Variants in RYR2 observed in about 807,000 individuals in gnomAD.
The protein encoded by RYR2 is cardiac muscle ryanodine receptor-calcium release channel.
RYR2 carries 227 observed loss-of-function variants against 601.1 expected under a neutral mutation model. The ratio of observed to expected loss-of-function variants is 0.38; its 90% CI spans 0.34 to 0.42. RYR2 has a LOEUF of 0.42. Ranked by LOEUF, RYR2 falls within the 10% of genes least tolerant of loss-of-function variation. The pLI is 1.00. For missense variants in RYR2, 4,646 were observed against 6,156.5 expected, an observed-to-expected ratio of 0.75 and a Z score of 8.21; for synonymous variants, 2,223 against 2,175.1, an observed-to-expected ratio of 1.02 and a Z score of -0.61.
intron 27 of RYR2, among the ~76,000 whole-genome samples, chr1:237,566,310 C>T (rs573095874): frequency 1.1e-4 from 16 of 152,208 alleles, no homozygotes; most frequent in African/African-American, 1.4e-4. Context: ...ATGAGGCTGA[C>T]GGAGACTCAT....
chr1:237,672,065 C>T (rs1684997607), intron 58 of RYR2, among the ~76,000 whole-genome samples: 1 of 152,102 alleles, frequency 6.6e-6, no homozygotes, highest in South Asian at 2.1e-4. Flanking sequence ...ACACCCATAT[C>T]ATAAATGGGA....
chr1:237,657,534 T>A (rs921618640), intron 53 of RYR2, among the ~76,000 whole-genome samples: 6 of 152,056 alleles, frequency 3.9e-5, no homozygotes, highest in African/African-American at 1.4e-4. Flanking sequence ...CAGTAACATT[T>A]ACAGTGTTAT....
At chr1:237,790,070 G>T (rs1392181487) in intron 92 of RYR2, among the ~76,000 whole-genome samples, 1 of 152,086 alleles carries the variant, frequency 6.6e-6, no homozygotes, top group Non-Finnish European at 1.5e-5. Flanking sequence ...GCTTTATTAT[G>T]GTAAATCCCC....
Position 237,614,796 on chromosome 1 carries a change from A to G in RYR2, c.5668A>G (p.Lys1890Glu). Residue 1890 changes from lysine to glutamate, a missense_variant, in exon 37 of 105, where the codon AAG becomes GAG. Coordinates refer to ENST00000366574, the MANE Select transcript of RYR2 (RefSeq NM_001035.3). The surrounding 1 kb of genome is among the most constrained non-coding windows in gnomAD (Gnocchi z 4.3). ...EEEAKGGKRP[K>E]EGLLQMKLPE... ...AGAAGCCAAGGGGGGCAAGCGGCCC[A>G]AGGAAGGCCTGCTCCAAATGAAACT... The G allele has an allele frequency of 6.2e-7, 1 of 1,604,634 alleles. No individual in the cohort carries two copies. Among genetic ancestry groups the G allele is most frequent in the Non-Finnish European group, 8.5e-7 (1 of 1,174,378 alleles).
chr1:237,460,017 A>G (rs2150247141), intron 16 of RYR2, among the ~76,000 whole-genome samples: 1 of 152,286 alleles, frequency 6.6e-6, no homozygotes, highest in African/African-American at 2.4e-5. Context: ...GGGCTTGCAC[A>G]GCTCGCCGTC....
chr1:237,382,251 A>G (rs1350629742), intron 8 of RYR2, among the ~76,000 whole-genome samples: 1 of 152,212 alleles, frequency 6.6e-6, no homozygotes, highest in Non-Finnish European at 1.5e-5. Flanking sequence ...AACTGATTGA[A>G]AATATATTAG....
intron 1 of RYR2, among the ~76,000 whole-genome samples, chr1:237,057,425 T>G (rs948942448): frequency 2.0e-5 from 3 of 152,112 alleles, no homozygotes; most frequent in Non-Finnish European, 4.4e-5. Flanking sequence ...GACCTTGTGA[T>G]CCACCCACCT....
At chr1:237,261,064 T>G (rs1688461230) in intron 1 of RYR2, among the ~76,000 whole-genome samples, 1 of 152,266 alleles carries the variant, frequency 6.6e-6, no homozygotes, top group African/African-American at 2.4e-5. Context: ...ATTTTATTTG[T>G]CTGTATGACA....
At chr1:237,188,634 C>T (rs953031718) in intron 1 of RYR2, among the ~76,000 whole-genome samples, 8 of 151,938 alleles carry the variant, frequency 5.3e-5, no homozygotes, top group Non-Finnish European at 7.4e-5. Flanking sequence ...GGCACGATCT[C>T]GGCTCACTGC....
intron 62 of RYR2, among the ~76,000 whole-genome samples, chr1:237,682,993 CATT>C (rs1462965336): frequency 3.9e-5 from 6 of 152,064 alleles, no homozygotes; most frequent in African/African-American, 7.2e-5. Flanking sequence ...CAGTCATTAA[CATT>C]ATGATGGAGA....
chr1:237,267,956 A>G (rs995708520), intron 1 of RYR2, among the ~76,000 whole-genome samples: 1 of 152,104 alleles, frequency 6.6e-6, no homozygotes, highest in African/African-American at 2.4e-5. Flanking sequence ...TCCTCTTTAT[A>G]CCACAGGGGT....
chr1:237,061,268 C>CATCTATCTATCTATT (rs1553275474), intron 1 of RYR2, among the ~76,000 whole-genome samples: 4 of 88,740 alleles, frequency 4.5e-5, no homozygotes, highest in African/African-American at 1.4e-4. Flanking sequence ...ATCTATCTAT[C>CATCTATCTATCTATT]CATCTATCAT....
chr1:237,179,683 T>C (rs1329790074), intron 1 of RYR2, among the ~76,000 whole-genome samples: 1 of 152,106 alleles, frequency 6.6e-6, no homozygotes, highest in African/African-American at 2.4e-5. Flanking sequence ...TTACCACCCA[T>C]ATACCAGCTG....
At chr1:237,219,702 G>A (rs1366164097) in intron 1 of RYR2, among the ~76,000 whole-genome samples, 2 of 152,120 alleles carry the variant, frequency 1.3e-5, no homozygotes, top group Non-Finnish European at 1.5e-5. Flanking sequence ...ATTTCCTCCT[G>A]GATAAGTGGA....
intron 48 of RYR2, among the ~76,000 whole-genome samples, chr1:237,644,532 A>C (rs1358970653): frequency 1.3e-5 from 2 of 152,170 alleles, no homozygotes; most frequent in Non-Finnish European, 2.9e-5. Flanking sequence ...GCTCCTAGCC[A>C]AAAAGAAGTG....
Position 237,654,383 on chromosome 1 carries a change from T to C in RYR2, c.7934T>C (p.Phe2645Ser). 6.2e-7 allele frequency: 1 copy of C among 1,613,954 alleles called. No homozygotes were observed. Among genetic ancestry groups the C allele is most frequent in the Non-Finnish European group, 8.5e-7 (1 of 1,179,870 alleles). ...EEELHLSRKL[F>S]WGIFDALSQK... The stretch of plus-strand genomic sequence containing the variant: ...GAACTTCATTTATCAAGAAAGTTGT[T>C]CTGGGGCATTTTTGATGCCCTGTCT... Residue 2645 changes from phenylalanine to serine, a missense_variant, in exon 52 of 105, where the codon TTC (phenylalanine) becomes TCC (serine). Transcript: ENST00000366574.
At chr1:237,442,574 C>A (rs1708006605) in intron 13 of RYR2, among the ~76,000 whole-genome samples, 1 of 152,084 alleles carries the variant, frequency 6.6e-6, no homozygotes, top group African/African-American at 2.4e-5. Context: ...TCAATAATAT[C>A]TTTTCTAGTT....
chr1:237,127,670 G>T (rs1201078355), intron 1 of RYR2, among the ~76,000 whole-genome samples: 2 of 151,080 alleles, frequency 1.3e-5, no homozygotes, highest in African/African-American at 4.9e-5. Context: ...TTCTCAGACG[G>T]GGCGGCCGGG....
intron 1 of RYR2, among the ~76,000 whole-genome samples, chr1:237,051,167 C>T (rs1223093411): frequency 6.9e-6 from 1 of 144,092 alleles, no homozygotes; most frequent in Non-Finnish European, 1.5e-5. Flanking sequence ...CTTTCCCTCC[C>T]CTCCCTTCCC....
Sources: allele counts gnomAD v4.1 joint callset (sites outside exome capture counted in the v4.1 genomes callset), GRCh38; gene constraint gnomAD v4.1.1; non-coding constraint Gnocchi (gnomAD v3.1); transcripts MANE v1.5; gene names NCBI Gene and HGNC (gene_info 2026-07-23, HGNC 2026-07-21).